Variants in RBFOX2 observed in about 807,000 individuals in gnomAD.
The protein encoded by RBFOX2 is RNA binding protein fox-1 homolog 2.
Under a neutral mutation model 49.1 loss-of-function variants are expected in RBFOX2, and 10 were observed. The ratio of observed to expected loss-of-function variants is 0.20; its 90% confidence interval spans 0.13 to 0.35. The LOEUF is 0.35. RBFOX2 is among the 10% of genes least tolerant of loss of function. The pLI, the probability that RBFOX2 is intolerant of heterozygous loss-of-function variation, is 1.00. For missense variants in RBFOX2, 323 were observed against 486.9 expected (o/e 0.66, Z 3.17); for synonymous variants, 183 against 187.4 (o/e 0.98, Z 0.19).
intron 2 of RBFOX2, among the ~76,000 whole-genome samples, chr22:35,803,125 TAAGTATGGGCAAATTAC>T (rs1950074631): frequency 6.6e-6 from 1 of 151,216 alleles, no homozygotes; most frequent in African/African-American, 2.5e-5. Context: ...TGTCATAGTT[TAAGTATGGGCAAATTAC>T]TTAAAACACA....
chr22:35,841,144 T>G (rs1277810613), upstream of RBFOX2, among the ~76,000 whole-genome samples: 1 of 152,238 alleles, frequency 6.6e-6, no homozygotes, highest in Non-Finnish European at 1.5e-5. Flanking sequence ...CAAAGGTGCA[T>G]GCAAATTTGC....
chr22:35,840,305 C>G lies in RBFOX2; in HGVS notation c.-87G>C, dbSNP rs536286751. 3.3e-4 allele frequency: 537 copies of G among 1,613,142 alleles called. 6 individuals are homozygous for G. In the South Asian group the frequency reaches 5.7e-3, roughly 17 times the overall value. On this transcript the variant is annotated 5_prime_UTR_variant, in exon 1 of 12. Coordinates refer to ENST00000405409, the Ensembl canonical transcript of RBFOX2. ...TTTCTTTTCCACCCCCCTCCCCCCC[C>G]AATCTAGCTATTTAAGGGTGGGTAA...
At chr22:35,772,095 A>T (rs937137093) in intron 4 of RBFOX2, among the ~76,000 whole-genome samples, 1 of 152,210 alleles carries the variant, frequency 6.6e-6, no homozygotes, top group Non-Finnish European at 1.5e-5. Flanking sequence ...TAGATTATAT[A>T]ATCTGTAACA....
At chr22:35,852,486 T>TA (rs576605291) in intron 1 of RBFOX2, among the ~76,000 whole-genome samples, 2,607 of 128,954 alleles carry the variant, frequency 0.02, 34 homozygotes, top group African/African-American at 0.032. Context: ...CCTTTCTTTT[T>TA]AAAAAAAAAA....
chr22:36,019,836 G>C (rs970272629), intron 1 of RBFOX2, among the ~76,000 whole-genome samples: 5 of 152,220 alleles, frequency 3.3e-5, no homozygotes, highest in Middle Eastern at 3.4e-3. Flanking sequence ...GTAAACTATA[G>C]ATTCAATGCC....
chr22:35,786,344 C>T (rs1569101214), intron 2 of RBFOX2, among the ~76,000 whole-genome samples: 1 of 152,180 alleles, frequency 6.6e-6, no homozygotes, highest in Non-Finnish European at 1.5e-5. Flanking sequence ...GTCGATCTGC[C>T]ATGTAGAAAA....
chr22:35,829,842 T>A (rs887125604), intron 1 of RBFOX2, among the ~76,000 whole-genome samples: 1 of 152,130 alleles, frequency 6.6e-6, no homozygotes, highest in Non-Finnish European at 1.5e-5. Flanking sequence ...CTTTCCCCAG[T>A]TGCGGGAGTC....
At chr22:35,896,159 T>C (rs113317361) in intron 1 of RBFOX2, among the ~76,000 whole-genome samples, 1 of 152,182 alleles carries the variant, frequency 6.6e-6, no homozygotes, top group African/African-American at 2.4e-5. Context: ...TAACATGGCA[T>C]TGACCACCTC....
chr22:35,870,936 C>A (rs1433628896), intron 1 of RBFOX2, among the ~76,000 whole-genome samples: 5 of 152,160 alleles, frequency 3.3e-5, no homozygotes, highest in Admixed American at 6.5e-5. Flanking sequence ...ATTTTAAAAT[C>A]TTTGCCACAT....
chr22:35,746,122 C>G, intron 10 of RBFOX2, 127 bp from the exon 13 acceptor site: 2 of 836,246 alleles, frequency 2.4e-6, no homozygotes, highest in South Asian at 3.5e-5. Flanking sequence ...ACTGGAATTA[C>G]AAGGAATAGG....
rs564066222 is a variant in RBFOX2, at chr22:35,878,122, C to T, written c.-34+60725G>A. Among the ~76,000 whole-genome samples, 31 of 151,906 alleles carry T rather than the reference C, an allele frequency of 2.0e-4. No individual in the cohort carries two copies. The South Asian group carries it at 6.2e-3, about 31-fold the overall frequency. ...TAAAGATACAGGGTCTCAAGCCAGG[C>T]GCAGTGGCTCACTCCTCTAATCCCA... On this transcript the variant is annotated intron_variant, in intron 1 of 13. Coordinates refer to the RBFOX2 transcript ENST00000359369.
rs1491042511 is a variant in RBFOX2 at position 35,803,179 on chromosome 22, CAT to C, written c.252+6599_252+6600del. 9.9e-5 allele frequency among the ~76,000 whole-genome samples: 15 copies of C among 151,892 alleles called. No homozygotes were observed. The South Asian group carries it at 2.1e-3, about 21-fold the overall frequency. ...ACACACACACACACACACACACACA[CAT>C]GCCCATCACAGAAAAATAAATAACA... On this transcript the variant is annotated intron_variant, in intron 2 of 11. Coordinates refer to ENST00000405409, the Ensembl canonical transcript of RBFOX2.
chr22:35,938,232 A>C (rs946193467), intron 1 of RBFOX2, among the ~76,000 whole-genome samples: 1 of 152,204 alleles, frequency 6.6e-6, no homozygotes, highest in Non-Finnish European at 1.5e-5. Context: ...TCAAGTATTC[A>C]AACAACAAAA....
intron 1 of RBFOX2, among the ~76,000 whole-genome samples, chr22:35,832,117 A>T (rs1304982010): frequency 6.6e-6 from 1 of 152,262 alleles, no homozygotes; most frequent in African/African-American, 2.4e-5. Context: ...CACGCCAGTA[A>T]TCCCAGCACT....
Position 35,775,857 on chromosome 22 carries a change from A to AAAAAG in RBFOX2, c.453+2163_453+2167dup, listed in dbSNP as rs1191374091. 1.3e-3 allele frequency among the ~76,000 whole-genome samples: 193 copies of AAAAAG among 150,408 alleles called. 1 individual carries two copies. Among genetic ancestry groups the AAAAAG allele is most frequent in the African/African-American group, 1.7e-3 (68 of 40,736 alleles). On this transcript the variant is annotated intron_variant, in intron 4 of 11. Transcript: ENST00000405409. ...AATCTGCCTCAAAAAAAAAAAAAAAAAAAAGAAAAGAAAAGAAAAGAAAAA... is the reference window on the plus strand; with the variant it reads ...AATCTGCCTCAAAAAAAAAAAAAAAAAAAAGAAAAGAAAAGAAAAGAAAAGAAAAA...
At chr22:35,969,726 G>A (rs1011181254) in intron 1 of RBFOX2, among the ~76,000 whole-genome samples, 1 of 152,198 alleles carries the variant, frequency 6.6e-6, no homozygotes, top group Non-Finnish European at 1.5e-5. Flanking sequence ...ATAAAAATAA[G>A]TTTAAAGTGA....
Position 35,901,367 on chromosome 22 carries a change from G to A in RBFOX2, c.-34+37480C>T, listed in dbSNP as rs572885176. On this transcript the variant is annotated intron_variant, in intron 1 of 13. Transcript: ENST00000359369. The stretch of plus-strand genomic sequence containing the variant: ...ACCAAGACTTTAAATAACAAATGAA[G>A]CCAGGTGTGGTGATGTGAGCCTGTA... Among the ~76,000 whole-genome samples the A allele has an allele frequency of 1.2e-4, 18 of 152,284 alleles. 1 individual carries two copies. The South Asian group carries it at 3.5e-3, about 30-fold the overall frequency.
chr22:35,984,524 T>C (rs538131077), intron 1 of RBFOX2, among the ~76,000 whole-genome samples: 60 of 152,280 alleles, frequency 3.9e-4, no homozygotes, highest in African/African-American at 1.4e-3. Flanking sequence ...GTGGTAAATA[T>C]GTTGGTAAAG....
chr22:35,762,356 A>G (rs1163013894), intron 6 of RBFOX2, among the ~76,000 whole-genome samples: 10 of 151,946 alleles, frequency 6.6e-5, no homozygotes, highest in African/African-American at 2.2e-4. Flanking sequence ...ACTTTAATCA[A>G]TATTAACTGA....
Sources: gnomAD v4.1 joint callset for allele counts (sites outside exome capture counted in the v4.1 genomes callset) on GRCh38, gnomAD v4.1.1 for gene constraint, MANE v1.5 for transcripts, NCBI Gene and HGNC (gene_info 2026-07-23, HGNC 2026-07-21) for gene names.